The following LHX8 variants were observed in gnomAD, a reference collection of about 807,000 sequenced individuals.
LHX8 encodes the protein LIM homeobox 8.
In LHX8, 12 loss-of-function variants were observed where a neutral mutation model predicts 40.3. The ratio of observed to expected loss-of-function variants is 0.30; its 90% CI spans 0.19 to 0.48. The LOEUF (loss-of-function observed/expected upper bound fraction) is 0.48. LHX8 is among the 20% of genes least tolerant of loss of function. The pLI is 0.99. For synonymous variants in LHX8, 179 were observed against 162.0 expected (o/e 1.10, Z -0.80); for missense variants, 344 against 433.7 (o/e 0.79, Z 1.84).
At chr1:75,165,461 C>T (rs1217551106), downstream of LHX8, among the ~76,000 whole-genome samples, 1 of 152,146 alleles carries the variant, frequency 6.6e-6, no homozygotes, top group Non-Finnish European at 1.5e-5. Flanking sequence ...CAAGGAACTG[C>T]TTCTCCTTTT....
chr1:75,179,463 A>C, the LHX8 span, among the ~76,000 whole-genome samples: 1 of 148,162 alleles, frequency 6.7e-6, no homozygotes, highest in Non-Finnish European at 1.5e-5. Context: ...TTTTGGTTTG[A>C]AGTCTGTTTT....
Position 75,143,259 on chromosome 1 carries a change from T to A in LHX8, c.501T>A (p.Phe167Leu), listed in dbSNP as rs2100340906. 6.2e-7 allele frequency: 1 copy of A among 1,613,906 alleles called. No individual in the cohort carries two copies. Among genetic ancestry groups the A allele is most frequent in the South Asian group, 1.1e-5 (1 of 91,080 alleles). The change falls in exon 5 of 9, where the codon TTT becomes TTA. Residue 167 changes from phenylalanine to leucine, a missense_variant. Transcript: ENST00000356261. ...CKRQLSTGEE[F>L]ALVEEKVLCR... is the part of the protein sequence containing the mutation. ...GGCAACTTTCCACAGGAGAGGAGTT[T>A]GCTTTGGTGGAAGAGAAAGTCCTCT...
the LHX8 span, among the ~76,000 whole-genome samples, chr1:75,196,466 G>T: frequency 2.0e-5 from 3 of 152,156 alleles, no homozygotes; most frequent in Admixed American, 6.5e-5. Flanking sequence ...CTAAAAGCTG[G>T]CTGGGGAACA....
the LHX8 span, among the ~76,000 whole-genome samples, chr1:75,176,032 T>C: frequency 6.6e-6 from 1 of 152,218 alleles, no homozygotes; most frequent in Non-Finnish European, 1.5e-5. Flanking sequence ...TAGTATTCCA[T>C]GGTGTATATG....
At chr1:75,141,173 A>G in intron 4 of LHX8, 67 bp downstream of exon 4, 2 of 1,546,964 alleles carry the variant, frequency 1.3e-6, no homozygotes, top group African/African-American at 1.4e-5. Context: ...CTTTTGTAAT[A>G]GGCTTTTTCT....
At chr1:75,186,694 GT>G in the LHX8 span, among the ~76,000 whole-genome samples, 7 of 152,260 alleles carry the variant, frequency 4.6e-5, no homozygotes, top group East Asian at 1.4e-3. Flanking sequence ...AACTTTGCTT[GT>G]TAGCTTCCAA....
At position 75,146,483 on chromosome 1, in the gene LHX8, G is replaced by A. The variant is rs187131397; in HGVS notation, c.685-2104G>A. Among the ~76,000 whole-genome samples the A allele has an allele frequency of 5.9e-5, 9 of 152,152 alleles. No homozygotes were observed. The East Asian group carries it at 9.7e-4, about 16-fold the overall frequency. On this transcript the variant is annotated intron_variant, in intron 6 of 8. Coordinates refer to ENST00000356261, the MANE Select transcript of LHX8 (RefSeq NM_001256114.2). ...CTTAGTGATTATTAATATTAAACAC[G>A]CCAAAGTTAGCTCCTGCTTTAGTCT...
intron 8 of LHX8, 32 bp downstream of exon 8, chr1:75,157,108 C>A: frequency 6.3e-7 from 1 of 1,599,252 alleles, no homozygotes; most frequent in Non-Finnish European, 8.6e-7. Flanking sequence ...AGCTGTCTCC[C>A]AGGCAATCAG....
At chr1:75,177,933 C>T in the LHX8 span, among the ~76,000 whole-genome samples, 1 of 152,192 alleles carries the variant, frequency 6.6e-6, no homozygotes, top group Non-Finnish European at 1.5e-5. Context: ...TTGAGATAAT[C>T]ATGTGGTTTT....
upstream of LHX8, chr1:75,133,043 C>T (rs1458246254): frequency 1.3e-5 from 2 of 152,344 alleles, no homozygotes; most frequent in Middle Eastern, 3.4e-3. Context: ...TTTGAAAAGT[C>T]AGTCCACCCC....
At chr1:75,138,618 A>G (rs1648218944) in intron 3 of LHX8, among the ~76,000 whole-genome samples, 1 of 152,136 alleles carries the variant, frequency 6.6e-6, no homozygotes, top group Non-Finnish European at 1.5e-5. Context: ...CTAGCATCCT[A>G]TTTTTAATGA....
chr1:75,160,969 A>T lies in LHX8; in HGVS notation c.*74A>T. On this transcript the variant is annotated 3_prime_UTR_variant, in exon 9 of 9. Transcript: ENST00000356261. ...TTATGTATAAAATACCATTGAAAAG[A>T]TATTACTGTTAATTTTTTATTTAAC... The T allele has an allele frequency of 8.9e-7, 1 of 1,124,070 alleles. No homozygotes were observed. The highest frequency in any genetic ancestry group is 1.7e-5 in the Admixed American group (1 of 58,398). The allele number at this position is 1,124,070 out of a possible 1,614,324, so 69.6% of individuals were successfully genotyped here. A position where few individuals can be genotyped will look rare whatever the true frequency, so the allele number is the denominator to read the frequency against.
chr1:75,136,982 G>A, intron 2 of LHX8, 118 bp from the exon 3 acceptor site: 2 of 1,145,362 alleles, frequency 1.7e-6, no homozygotes, highest in South Asian at 1.6e-5. Context: ...AGAAGCTGGG[G>A]GTGGGGTGGG....
chr1:75,160,773 T>A, intron 8 of LHX8, 46 bp from the exon 9 acceptor site: 1 of 1,268,500 alleles, frequency 7.9e-7, no homozygotes, highest in Non-Finnish European at 1.2e-6. Flanking sequence ...AAATCAGTTT[T>A]ATGCACCCTA....
At chr1:75,149,646 C>A (rs940499940) in intron 7 of LHX8, among the ~76,000 whole-genome samples, 2 of 152,026 alleles carry the variant, frequency 1.3e-5, no homozygotes, top group African/African-American at 4.8e-5. Flanking sequence ...CTCCAGGTCT[C>A]AGGTGATCCT....
At chr1:75,189,582 A>G in the LHX8 span, among the ~76,000 whole-genome samples, 1 of 152,210 alleles carries the variant, frequency 6.6e-6, no homozygotes, top group East Asian at 1.9e-4. Context: ...TCATGAAATA[A>G]AAACAGTTAA....
intron 1 of LHX8, among the ~76,000 whole-genome samples, chr1:75,129,273 C>T (rs1254183368): frequency 5.9e-5 from 9 of 152,016 alleles, no homozygotes; most frequent in Non-Finnish European, 1.2e-4. Flanking sequence ...CCTGAACTCC[C>T]ATGAAGGAAG....
chr1:75,179,332 C>T, the LHX8 span, among the ~76,000 whole-genome samples: 1 of 152,180 alleles, frequency 6.6e-6, no homozygotes, highest in African/African-American at 2.4e-5. Flanking sequence ...TCTCTAAGGA[C>T]TTGCTTTATG....
At chr1:75,184,927 C>T in the LHX8 span, among the ~76,000 whole-genome samples, 1 of 151,478 alleles carries the variant, frequency 6.6e-6, no homozygotes, top group East Asian at 1.9e-4. Context: ...GGGATGTTAC[C>T]ACTGACCCCA....
Sources: gnomAD v4.1 joint callset for allele counts (sites outside exome capture counted in the v4.1 genomes callset) on GRCh38, gnomAD v4.1.1 for gene constraint, MANE v1.5 for transcripts, NCBI Gene and HGNC (gene_info 2026-07-23, HGNC 2026-07-21) for gene names.